The following ANK2 variants were observed in gnomAD, a reference collection of about 807,000 sequenced individuals.
ANK2 encodes the protein ankyrin 2.
ANK2 carries 83 observed loss-of-function variants against 360.5 expected under a neutral mutation model. That is an observed-to-expected ratio of 0.23 (90% confidence interval 0.19 to 0.28). The LOEUF (loss-of-function observed/expected upper bound fraction) is 0.28. Ranked by LOEUF, ANK2 falls within the 10% of genes least tolerant of loss-of-function variation. The pLI is 1.00. For synonymous variants in ANK2, 1,740 were observed against 1,759.5 expected (o/e 0.99, Z 0.28); for missense variants, 4,201 against 4,795.7 (o/e 0.88, Z 3.66).
At chr4:112,933,532 C>T (rs141308361) in intron 2 of ANK2, among the ~76,000 whole-genome samples, 356 of 149,784 alleles carry the variant, frequency 2.4e-3, no homozygotes, top group African/African-American at 7.9e-3. Flanking sequence ...CGGAGTGTTG[C>T]TCTTGTTGCC....
chr4:113,147,740 T>C (rs1259114491), intron 1 of ANK2, among the ~76,000 whole-genome samples: 7 of 152,236 alleles, frequency 4.6e-5, no homozygotes, highest in Non-Finnish European at 8.8e-5. Context: ...CTCACAAACA[T>C]ATGTCAGGGT....
intron 2 of ANK2, among the ~76,000 whole-genome samples, chr4:112,957,882 G>T (rs1383115369): frequency 4.6e-5 from 7 of 151,708 alleles, no homozygotes; most frequent in Admixed American, 4.6e-4. Context: ...CTCAGACGGG[G>T]CAGCCGGGCA....
At chr4:112,754,532 T>A in the ANK2 span, among the ~76,000 whole-genome samples, 1 of 151,306 alleles carries the variant, frequency 6.6e-6, no homozygotes, top group Non-Finnish European at 1.5e-5. Flanking sequence ...GGGCGTGTAT[T>A]ATGTTAAAAA....
intron 1 of ANK2, among the ~76,000 whole-genome samples, chr4:112,853,388 G>A (rs1199097693): frequency 6.6e-6 from 1 of 151,558 alleles, no homozygotes. Flanking sequence ...AATTTGTAGA[G>A]ATGAGGTCCT....
chr4:112,840,632 G>T (rs371674524), intron 1 of ANK2, among the ~76,000 whole-genome samples: 56 of 152,252 alleles, frequency 3.7e-4, no homozygotes, highest in Non-Finnish European at 7.5e-4. Context: ...ATTTAGGGAC[G>T]GAAAAATGCA....
chr4:113,364,936 T>C, intron 40 of ANK2, 103 bp from the exon 41 acceptor site: 1 of 1,422,314 alleles, frequency 7.0e-7, no homozygotes, highest in Non-Finnish European at 9.8e-7. Context: ...CTTTGATTGT[T>C]TTTTTCTGTA....
At chr4:112,790,646 G>C in the ANK2 span, among the ~76,000 whole-genome samples, 1 of 151,796 alleles carries the variant, frequency 6.6e-6, no homozygotes, top group Non-Finnish European at 1.5e-5. Context: ...ATGCCACCAC[G>C]CCGGCTAATT....
rs2095577071 is a variant in ANK2, at chr4:113,354,012, A to G, written c.5394A>G (p.Pro1798=). 6.2e-7 allele frequency: 1 copy of G among 1,614,014 alleles called. No individual in the cohort carries two copies. Among genetic ancestry groups the G allele is most frequent in the South Asian group, 1.1e-5 (1 of 91,080 alleles). Residue 1798 remains proline (P), a synonymous_variant, in exon 38 of 46, where the codon CCA becomes CCG. Coordinates refer to ENST00000357077, the MANE Select transcript of ANK2 (RefSeq NM_001148.6). ...GAGTCAAAGGCAAGGAGGACGTGCCAAAAAAGACCACCCACAGGCCACATC... is the reference window on the plus strand; with the variant it reads ...GAGTCAAAGGCAAGGAGGACGTGCCGAAAAAGACCACCCACAGGCCACATC... ...PIRVKGKEDV[P]KKTTHRPHPA... is the part of the protein sequence containing the mutation.
At chr4:113,132,060 A>T (rs968113079) in intron 1 of ANK2, among the ~76,000 whole-genome samples, 2 of 152,206 alleles carry the variant, frequency 1.3e-5, no homozygotes, top group African/African-American at 4.8e-5. Context: ...ATTTTTTACC[A>T]TATAAAAGAA....
chr4:112,891,810 C>A (rs1247683097), intron 1 of ANK2, among the ~76,000 whole-genome samples: 1 of 152,112 alleles, frequency 6.6e-6, no homozygotes, highest in Non-Finnish European at 1.5e-5. Flanking sequence ...TGTCATTATG[C>A]TTTGAGTGGT....
At chr4:113,218,285 C>G (rs1041709151) in intron 4 of ANK2, among the ~76,000 whole-genome samples, 24 of 152,104 alleles carry the variant, frequency 1.6e-4, no homozygotes, top group African/African-American at 5.8e-4. Context: ...TGAGAAAACA[C>G]AGCAACTATT....
chr4:112,760,985 T>C, the ANK2 span, among the ~76,000 whole-genome samples: 1 of 151,492 alleles, frequency 6.6e-6, no homozygotes, highest in Non-Finnish European at 1.5e-5. Context: ...TTTTGTATTT[T>C]ATTAGTAGAG....
intron 22 of ANK2, among the ~76,000 whole-genome samples, chr4:113,294,929 T>C (rs565152006): frequency 5.2e-4 from 79 of 152,306 alleles, no homozygotes; most frequent in South Asian, 2.9e-3. Flanking sequence ...GCCACTTCAT[T>C]TGATATCTTT....
chr4:113,047,784 C>T (rs1315456221), upstream of ANK2, among the ~76,000 whole-genome samples: 1 of 151,992 alleles, frequency 6.6e-6, no homozygotes, highest in Non-Finnish European at 1.5e-5. Flanking sequence ...TCTGCTGAAA[C>T]AGGAGGAGGG....
the ANK2 span, among the ~76,000 whole-genome samples, chr4:112,787,071 G>A: frequency 6.6e-6 from 1 of 151,970 alleles, no homozygotes; most frequent in Non-Finnish European, 1.5e-5. Flanking sequence ...TTTTATTCCC[G>A]CTATTCAAGT....
the ANK2 span, among the ~76,000 whole-genome samples, chr4:112,739,470 C>T: frequency 9.2e-5 from 14 of 151,994 alleles, no homozygotes; most frequent in African/African-American, 3.4e-4. Flanking sequence ...AAAAATTAGC[C>T]CGGCGTGGTG....
At chr4:113,067,738 G>T (rs529485067) in intron 1 of ANK2, among the ~76,000 whole-genome samples, 2 of 152,330 alleles carry the variant, frequency 1.3e-5, no homozygotes, top group South Asian at 4.1e-4. Context: ...TTTGCCCCCA[G>T]AGATGATTTC....
the ANK2 span, among the ~76,000 whole-genome samples, chr4:112,753,963 T>C: frequency 7.2e-5 from 11 of 151,748 alleles, no homozygotes; most frequent in Non-Finnish European, 1.5e-4. Flanking sequence ...CCAGGCGTGG[T>C]GGCACATGCC....
intron 2 of ANK2, among the ~76,000 whole-genome samples, chr4:112,970,239 G>A (rs1464279745): frequency 6.6e-6 from 1 of 151,850 alleles, no homozygotes; most frequent in Non-Finnish European, 1.5e-5. Context: ...CAATGTGCTG[G>A]GATTACAGGC....
Sources: allele counts gnomAD v4.1 joint callset (sites outside exome capture counted in the v4.1 genomes callset), GRCh38; gene constraint gnomAD v4.1.1; transcripts MANE v1.5; gene names NCBI Gene and HGNC (gene_info 2026-07-23, HGNC 2026-07-21).